Variants in CSE1L observed in about 807,000 individuals in gnomAD.
CSE1L encodes chromosome segregation 1 like.
A neutral mutation model predicts 120.4 loss-of-function variants in CSE1L; 24 were observed. The observed-to-expected ratio is 0.20, with a 90% confidence interval of 0.14 to 0.28. The LOEUF (loss-of-function observed/expected upper bound fraction) is 0.28. CSE1L is among the 10% of genes least tolerant of loss of function. CSE1L has a pLI of 1.00. For missense variants in CSE1L, 830 were observed against 1,145.2 expected, an observed-to-expected ratio of 0.72 and a Z score of 3.97; for synonymous variants, 402 against 398.3, an observed-to-expected ratio of 1.01 and a Z score of -0.11.
intron 17 of CSE1L, among the ~76,000 whole-genome samples, chr20:49,088,585 C>T (rs1028046338): frequency 6.6e-6 from 1 of 152,048 alleles, no homozygotes; most frequent in Non-Finnish European, 1.5e-5. Context: ...AAAATAAATC[C>T]GTTTAAGGCT....
chr20:49,050,783 G>A (rs962604568), intron 1 of CSE1L, among the ~76,000 whole-genome samples: 1 of 151,770 alleles, frequency 6.6e-6, no homozygotes, highest in Admixed American at 6.6e-5. Context: ...GGTCTTGAAC[G>A]GTCCTTGGGG....
intron 19 of CSE1L, 51 bp downstream of exon 19, chr20:49,089,797 CTG>C (rs750412201): frequency 2.6e-6 from 4 of 1,526,680 alleles, no homozygotes; most frequent in Non-Finnish European, 3.6e-6. Context: ...CTTGGAGAAA[CTG>C]GGGATGGCAG....
At chr20:49,084,231 A>C in intron 15 of CSE1L, 69 bp downstream of exon 15, 1 of 1,416,172 alleles carries the variant, frequency 7.1e-7, no homozygotes, top group South Asian at 1.4e-5. Context: ...AAGATATCTG[A>C]ATGTTTTCAT....
chr20:49,059,238 C>T (rs1449717048), intron 2 of CSE1L, among the ~76,000 whole-genome samples: 1 of 151,734 alleles, frequency 6.6e-6, no homozygotes, highest in Non-Finnish European at 1.5e-5. Context: ...CAGTTACTGT[C>T]TCTTAATTTT....
chr20:49,086,592 C>G (rs540247064), intron 16 of CSE1L, among the ~76,000 whole-genome samples: 2 of 151,686 alleles, frequency 1.3e-5, no homozygotes, highest in Non-Finnish European at 2.9e-5. Flanking sequence ...CTTGAACTCC[C>G]GACCTCAGGT....
At chr20:49,066,820 G>A (rs1228643431) in intron 5 of CSE1L, among the ~76,000 whole-genome samples, 1 of 152,008 alleles carries the variant, frequency 6.6e-6, no homozygotes, top group African/African-American at 2.4e-5. Context: ...CCTGAGGTCA[G>A]GAGTTTGAGA....
intron 19 of CSE1L, 92 bp from the exon 20 acceptor site, chr20:49,090,650 G>A (rs2092094035): frequency 1.1e-6 from 1 of 925,346 alleles, no homozygotes. Context: ...GATTATTACA[G>A]TATGAACTCT....
chr20:49,083,998 AG>A, intron 14 of CSE1L, 27 bp from the exon 15 acceptor site: 3 of 1,597,220 alleles, frequency 1.9e-6, no homozygotes, highest in Non-Finnish European at 2.6e-6. Flanking sequence ...CATTGCATTT[AG>A]AGCATGTATA....
At chr20:49,074,670 G>A (rs2091957382) in intron 10 of CSE1L, 115 bp from the exon 11 acceptor site, 3 of 704,400 alleles carry the variant, frequency 4.3e-6, no homozygotes, top group Admixed American at 3.2e-5. Flanking sequence ...TCATCTGATG[G>A]GAACGAATTC....
At chr20:49,065,586 A>ATTTTTTTTTTTTTTTTT (rs1169151375) in intron 3 of CSE1L, among the ~76,000 whole-genome samples, 3 of 76,352 alleles carry the variant, frequency 3.9e-5, no homozygotes, top group Admixed American at 3.6e-4. Flanking sequence ...TAAAATGGAA[A>ATTTTTTTTTTTTTTTTT]TTTTTTTTTT....
chr20:49,063,124 T>TAAA, intron 2 of CSE1L, 78 bp from the exon 3 acceptor site: 1 of 739,348 alleles, frequency 1.4e-6, no homozygotes. Flanking sequence ...TTTGATTTTT[T>TAAA]TTTATATATA....
chr20:49,061,605 C>CCATTGTTGTGCCTCAGCCTCCCGAGTAG (rs1440605706), intron 2 of CSE1L, among the ~76,000 whole-genome samples: 5 of 151,556 alleles, frequency 3.3e-5, no homozygotes, highest in Non-Finnish European at 5.9e-5. Flanking sequence ...CGGGTTCACC[C>CCATTGTTGTGCCTCAGCCTCCCGAGTAG]CATTGTTGTG....
intron 8 of CSE1L, among the ~76,000 whole-genome samples, chr20:49,072,057 C>T (rs1384376652): frequency 6.6e-6 from 1 of 151,932 alleles, no homozygotes. Context: ...TGAGCCACTA[C>T]ACTCAGCCAG....
chr20:49,080,764 C>T (rs2092005920), intron 14 of CSE1L, among the ~76,000 whole-genome samples: 1 of 152,124 alleles, frequency 6.6e-6, no homozygotes, highest in African/African-American at 2.4e-5. Context: ...GCATGAGCCA[C>T]CGCGCCCGGC....
At chr20:49,076,516 CTCTCT>C (rs2091969489) in intron 12 of CSE1L, among the ~76,000 whole-genome samples, 1 of 135,572 alleles carries the variant, frequency 7.4e-6, no homozygotes, top group African/African-American at 2.8e-5. Context: ...GTGTCCCTCT[CTCTCT>C]TTTTTTTTTT....
Position 49,078,579 on chromosome 20 carries a change from T to C in CSE1L, c.1439T>C (p.Leu480Pro), listed in dbSNP as rs375038710. 4 of 1,577,366 alleles carry C rather than the reference T, an allele frequency of 2.5e-6. No homozygotes were observed. The highest frequency in any genetic ancestry group is 3.4e-6 in the Non-Finnish European group (4 of 1,161,616). ...KSANVNEFPV[L>P]KADGIKYIMI... ...TATATAGTGAATGAATTTCCTGTCC[T>C]TAAAGCTGACGGTATCAAATATATT... is the stretch of plus-strand genomic sequence containing the variant. The change falls in exon 14 of 25, where the codon CTT becomes CCT. Residue 480 changes from leucine to proline, a missense_variant. Transcript: ENST00000262982.
In CSE1L at chr20:49,096,712, G is replaced by C. The variant is rs189799183; in HGVS notation, c.*274G>C. On this transcript the variant is annotated 3_prime_UTR_variant, in exon 25 of 25. Coordinates refer to ENST00000262982, the MANE Select transcript of CSE1L (RefSeq NM_001316.4). The stretch of plus-strand genomic sequence containing the variant: ...GTTGGTTTGTGTTGAGCGTTTGCAC[G>C]GTTTGGATAATCTTAAATTTTGACG... 428 of 379,588 alleles carry C rather than the reference G, an allele frequency of 1.1e-3. No individual in the cohort carries two copies. The highest frequency in any genetic ancestry group is 1.4e-3 in the Non-Finnish European group (288 of 210,076). 23.5% of individuals were successfully genotyped at this position (379,588 alleles called of 1,614,324 possible). A position where few individuals can be genotyped will look rare whatever the true frequency, so the allele number is the denominator to read the frequency against.
At chr20:49,067,483 C>T (rs57793042) in intron 6 of CSE1L, among the ~76,000 whole-genome samples, 1 of 152,108 alleles carries the variant, frequency 6.6e-6, no homozygotes, top group Non-Finnish European at 1.5e-5. Context: ...TGGTTAGCAA[C>T]GTTTTATTTT....
chr20:49,066,256 A>C lies in CSE1L; in HGVS notation c.293A>C (p.His98Pro), dbSNP rs777781671. 2 of 1,614,244 alleles carry C rather than the reference A, an allele frequency of 1.2e-6. No homozygotes were observed. Among genetic ancestry groups the C allele is most frequent in the Non-Finnish European group, 1.7e-6 (2 of 1,180,040 alleles). Residue 98 changes from histidine to proline, a missense_variant, in exon 4 of 25, where the codon CAC (histidine) becomes CCC (proline). His to Pro is a moderately conservative substitution (Grantham distance 77). Transcript: ENST00000262982. ...GTGGCCATTAAAGCCAACATAGTGCACTTGATGCTTAGCAGCCCAGAGCAA... is the reference window on the plus strand; with the variant it reads ...GTGGCCATTAAAGCCAACATAGTGCCCTTGATGCTTAGCAGCCCAGAGCAA... ...DRVAIKANIV[H>P]LMLSSPEQIQ...
Sources: gnomAD v4.1 joint callset for allele counts (sites outside exome capture counted in the v4.1 genomes callset) on GRCh38, gnomAD v4.1.1 for gene constraint, MANE v1.5 for transcripts, NCBI Gene and HGNC (gene_info 2026-07-23, HGNC 2026-07-21) for gene names.